The following DHX29 variants were observed in gnomAD, a reference collection of about 807,000 sequenced individuals.
DHX29 encodes the protein ATP-dependent RNA helicase DHX29.
A neutral mutation model predicts 167.9 loss-of-function variants in DHX29; 79 were observed. The observed-to-expected ratio is 0.47, with a 90% confidence interval of 0.39 to 0.57. The LOEUF (loss-of-function observed/expected upper bound fraction) is 0.57, where lower values mean the gene tolerates loss of function less well. DHX29 is among the 20% of genes least tolerant of loss of function. DHX29 has a pLI of 0.00. For missense variants in DHX29, 1,347 were observed against 1,593.4 expected (o/e 0.85, Z 2.63); for synonymous variants, 530 against 546.0 (o/e 0.97, Z 0.41).
intron 13 of DHX29, 86 bp downstream of exon 13, chr5:55,277,020 C>T (rs1361575637): frequency 9.5e-6 from 9 of 946,746 alleles, no homozygotes; most frequent in Non-Finnish European, 1.4e-5. Context: ...TAGTTCTGGC[C>T]TCTGACTACA....
intron 5 of DHX29, 114 bp from the exon 6 acceptor site, chr5:55,294,259 T>C: frequency 9.7e-7 from 1 of 1,034,514 alleles, no homozygotes; most frequent in East Asian, 2.7e-5. Context: ...ATATAAGCTG[T>C]TATTCCTTAT....
At chr5:55,274,560 C>A in intron 16 of DHX29, 54 bp downstream of exon 16, 1 of 1,321,712 alleles carries the variant, frequency 7.6e-7, no homozygotes, top group African/African-American at 1.5e-5. Flanking sequence ...TTTAATGTAC[C>A]AAATATTTTC....
chr5:55,277,160 T>G lies in DHX29; in HGVS notation c.2232A>C (p.Thr744=). The change falls in exon 13 of 27, where the codon ACA becomes ACC. Residue 744 remains threonine, a synonymous_variant. Transcript: ENST00000251636. The part of the protein sequence containing the change: ...SATVDSEKFS[T]YFTHCPILRI... ...TGAGAATGGGGCAGTGTGTGAAATA[T>G]GTAGAAAATTTTTCGCTGTCCACAG... The G allele has an allele frequency of 6.2e-7, 1 of 1,613,132 alleles. No individual in the cohort carries two copies. The highest frequency in any genetic ancestry group is 8.5e-7 in the Non-Finnish European group (1 of 1,179,442).
At chr5:55,307,163 G>C (rs1229234660) in intron 1 of DHX29, among the ~76,000 whole-genome samples, 2 of 152,236 alleles carry the variant, frequency 1.3e-5, no homozygotes, top group Admixed American at 6.5e-5. Flanking sequence ...TGAGTTAAAA[G>C]AGAAATGCCA....
At position 55,289,424 on chromosome 5, in the gene DHX29, C is replaced by T; in HGVS notation, c.912G>A (p.Met304Ile). The change falls in exon 8 of 27, where the codon ATG becomes ATA. Residue 304 changes from methionine (M) to isoleucine (I), a missense_variant. Physicochemically the swap from Met to Ile is conservative, Grantham distance 10. Around this residue, in one of 3 missense-constraint regions of DHX29, gnomAD observed 405 missense variants for 416.8 expected, o/e 0.97. Coordinates refer to ENST00000251636, the MANE Select transcript of DHX29 (RefSeq NM_019030.4). ...ATACTGGATGGTCTTCTAAAGTTTCCATTTCTACCAAGAAAAAAATATAAT... is the reference window on the plus strand; with the variant it reads ...ATACTGGATGGTCTTCTAAAGTTTCTATTTCTACCAAGAAAAAAATATAAT... ...QEKIRKFQRE[M>I]ETLEDHPVFN... 2 of 1,524,864 alleles carry T rather than the reference C, an allele frequency of 1.3e-6. No individual in the cohort carries two copies. The highest frequency in any genetic ancestry group is 1.7e-6 in the Non-Finnish European group (2 of 1,148,790). The allele number at this position is 1,524,864 out of a possible 1,614,324, so 94.5% of individuals were successfully genotyped here. A position where few individuals can be genotyped will look rare whatever the true frequency, so the allele number is the denominator to read the frequency against.
chr5:55,284,582 T>C (rs1210643973), intron 10 of DHX29, among the ~76,000 whole-genome samples: 1 of 152,198 alleles, frequency 6.6e-6, no homozygotes, highest in Non-Finnish European at 1.5e-5. Flanking sequence ...TTTTCAATGG[T>C]TCTAATTTCC....
At chr5:55,281,585 A>G in intron 11 of DHX29, 70 bp from the exon 12 acceptor site, 1 of 1,213,876 alleles carries the variant, frequency 8.2e-7, no homozygotes, top group Non-Finnish European at 1.1e-6. Context: ...TAAAAAGTGA[A>G]GCAGAGGTGC....
chr5:55,261,881 G>A (rs181581399), intron 24 of DHX29, among the ~76,000 whole-genome samples: 144 of 134,702 alleles, frequency 1.1e-3, no homozygotes, highest in African/African-American at 4.2e-3. Flanking sequence ...GTAATCTCTC[G>A]TTTTACATTT....
intron 18 of DHX29, among the ~76,000 whole-genome samples, chr5:55,271,146 C>G (rs111637622): frequency 2.0e-5 from 3 of 152,138 alleles, no homozygotes; most frequent in Non-Finnish European, 2.9e-5. Flanking sequence ...AATGGTGGTA[C>G]TCTCTTGCAA....
In DHX29 at chr5:55,261,459, AT is replaced by A; in HGVS notation, c.3868del (p.Ile1290Ter). ...ARVYLRETTLITPFPVLLFGG... is the reference protein window; with the variant it reads ...ARVYLRETTLXTPFPVLLFGG... ...AAAAAGTAAAACTGGAAAAGGGGTTATTAGGGTAGTTTCTCTCAAATACACT... is the reference window on the plus strand; with the variant it reads ...AAAAAGTAAAACTGGAAAAGGGGTTATAGGGTAGTTTCTCTCAAATACACT... On this transcript the variant is annotated frameshift_variant, in exon 25 of 27. Transcript: ENST00000251636. LOFTEE classifies it high-confidence loss of function. The A allele has an allele frequency of 6.4e-7, 1 of 1,574,260 alleles. No homozygotes were observed. The highest frequency in any genetic ancestry group is 8.7e-7 in the Non-Finnish European group (1 of 1,144,262).
At chr5:55,269,772 T>C in intron 20 of DHX29, 135 bp from the exon 21 acceptor site, 1 of 673,966 alleles carries the variant, frequency 1.5e-6, no homozygotes. Flanking sequence ...AGGGCTATCC[T>C]GTTATTTTTT....
intron 25 of DHX29, 148 bp from the exon 26 acceptor site, chr5:55,260,092 T>G: frequency 2.0e-6 from 1 of 493,104 alleles, no homozygotes; most frequent in Non-Finnish European, 3.7e-6. Flanking sequence ...AAATTATTTC[T>G]GCTAGCTAGG....
At chr5:55,304,050 A>T (rs1748734894) in intron 1 of DHX29, among the ~76,000 whole-genome samples, 1 of 152,170 alleles carries the variant, frequency 6.6e-6, no homozygotes, top group African/African-American at 2.4e-5. Flanking sequence ...TTTTGGTCTC[A>T]GTCATAACAT....
intron 26 of DHX29, among the ~76,000 whole-genome samples, chr5:55,257,613 G>A (rs1316044641): frequency 6.6e-6 from 1 of 152,126 alleles, no homozygotes; most frequent in East Asian, 1.9e-4. Flanking sequence ...TTTTTAAATT[G>A]AGGAAGAGAG....
At position 55,267,225 on chromosome 5, in the gene DHX29, C is replaced by T; in HGVS notation, c.3438G>A (p.Lys1146=). Residue 1146 remains lysine, a synonymous_variant, in exon 23 of 27, where the codon AAG becomes AAA. Coordinates refer to ENST00000251636, the MANE Select transcript of DHX29 (RefSeq NM_019030.4). ...LTIYNAYLGW[K]KARQEGGYRS... is the part of the protein sequence containing the mutation. ...GATAACCTCCTTCTTGTCGTGCTTT[C>T]TTCCATCTAGATAAATAAAATGTCA... is the stretch of plus-strand genomic sequence containing the variant. The T allele has an allele frequency of 6.2e-7, 1 of 1,610,994 alleles. No individual in the cohort carries two copies.
In DHX29 at chr5:55,295,401, T is replaced by A; in HGVS notation, c.629A>T (p.Tyr210Phe). 1 of 1,612,538 alleles carries A rather than the reference T, an allele frequency of 6.2e-7. No individual in the cohort carries two copies. Among genetic ancestry groups the A allele is most frequent in the Non-Finnish European group, 8.5e-7 (1 of 1,178,598 alleles). ...TACCTTACTCTTAGGGTCCTCTTCA[T>A]ATGTTTTTGTTTTAGGTTGCAATGG... ...SPPLQPKTKTYEEDPKSKPKK... is the reference protein window; with the variant it reads ...SPPLQPKTKTFEEDPKSKPKK... Residue 210 changes from tyrosine (Y) to phenylalanine (F), a missense_variant, in exon 5 of 27, where the codon TAT (tyrosine) becomes TTT (phenylalanine). Around this residue, in one of 3 missense-constraint regions of DHX29, gnomAD observed 405 missense variants for 416.8 expected, o/e 0.97. Coordinates refer to ENST00000251636, the MANE Select transcript of DHX29 (RefSeq NM_019030.4).
At chr5:55,298,535 T>TG in intron 2 of DHX29, 56 bp downstream of exon 2, 1 of 1,074,082 alleles carries the variant, frequency 9.3e-7, no homozygotes, top group Non-Finnish European at 1.4e-6. Context: ...ACATCTTTTT[T>TG]GGGGGAAAAA....
At chr5:55,281,171 G>C (rs1294925143) in intron 12 of DHX29, among the ~76,000 whole-genome samples, 1 of 150,960 alleles carries the variant, frequency 6.6e-6, no homozygotes, top group East Asian at 1.9e-4. Flanking sequence ...ATATCCCCTT[G>C]AATAGAAAAG....
At chr5:55,290,138 A>C (rs768845477) in intron 7 of DHX29, 80 bp downstream of exon 7, 49 of 1,481,376 alleles carry the variant, frequency 3.3e-5, no homozygotes, top group Non-Finnish European at 4.5e-5. Flanking sequence ...ACATATTAAA[A>C]GGAAGCATCA....
Sources: allele counts gnomAD v4.1 joint callset (sites outside exome capture counted in the v4.1 genomes callset), GRCh38; gene constraint gnomAD v4.1.1; regional missense constraint gnomAD v4.1.1; transcripts MANE v1.5; gene names NCBI Gene and HGNC (gene_info 2026-07-23, HGNC 2026-07-21).